Variants in CCSER2 observed in about 807,000 individuals in gnomAD.
The protein encoded by CCSER2 is serine-rich coiled-coil domain-containing protein 2.
Under a neutral mutation model 92.3 loss-of-function variants are expected in CCSER2, and 46 were observed. That is an observed-to-expected ratio of 0.50 (90% CI 0.39 to 0.64). The LOEUF (loss-of-function observed/expected upper bound fraction) is 0.64, where lower values mean the gene tolerates loss of function less well. CCSER2 is among the 30% of genes least tolerant of loss of function. CCSER2 has a pLI of 0.00. For missense variants in CCSER2, 1,244 were observed against 1,238.9 expected, an observed-to-expected ratio of 1.00 and a Z score of -0.06; for synonymous variants, 433 against 431.4, an observed-to-expected ratio of 1.00 and a Z score of -0.04.
intron 6 of CCSER2, among the ~76,000 whole-genome samples, chr10:84,457,228 AT>A (rs569781392): frequency 1.3e-4 from 12 of 91,538 alleles, no homozygotes; most frequent in African/African-American, 4.2e-4. Context: ...CATATTATAT[AT>A]AAATATATTA....
intron 1 of CCSER2, among the ~76,000 whole-genome samples, chr10:84,343,903 T>G (rs745968067): frequency 9.2e-5 from 14 of 152,190 alleles, no homozygotes; most frequent in African/African-American, 3.4e-4. Flanking sequence ...ATTTGAGTAT[T>G]AGTGTGTGGA....
intron 9 of CCSER2, among the ~76,000 whole-genome samples, chr10:84,511,241 A>T (rs1049291216): frequency 3.3e-5 from 5 of 152,172 alleles, no homozygotes. Context: ...CATTTAATAC[A>T]AGTAGCTTGT....
At chr10:84,350,507 A>C (rs1488098328) in intron 1 of CCSER2, among the ~76,000 whole-genome samples, 2 of 152,198 alleles carry the variant, frequency 1.3e-5, no homozygotes, top group African/African-American at 4.8e-5. Context: ...GTGATTAATA[A>C]ATATTTGAAT....
intron 3 of CCSER2, among the ~76,000 whole-genome samples, chr10:84,411,106 C>G (rs753593085): frequency 6.6e-6 from 1 of 152,154 alleles, no homozygotes; most frequent in Non-Finnish European, 1.5e-5. Context: ...GTTCTCTATT[C>G]TGCTCCGTTG....
chr10:84,490,065 GC>G (rs1848061617), intron 9 of CCSER2, among the ~76,000 whole-genome samples: 1 of 152,058 alleles, frequency 6.6e-6, no homozygotes, highest in South Asian at 2.1e-4. Flanking sequence ...TTGAATATTG[GC>G]CCCCACTCTC....
intron 3 of CCSER2, among the ~76,000 whole-genome samples, chr10:84,414,479 A>T (rs1164924991): frequency 1.3e-5 from 2 of 152,242 alleles, no homozygotes; most frequent in African/African-American, 4.8e-5. Flanking sequence ...ATTGGCCCCC[A>T]ACTTCTTCTG....
At chr10:84,468,667 G>T (rs1846598020) in intron 7 of CCSER2, among the ~76,000 whole-genome samples, 1 of 152,160 alleles carries the variant, frequency 6.6e-6, no homozygotes, top group African/African-American at 2.4e-5. Context: ...TGGCTATATA[G>T]TGTTCCATGA....
Position 84,477,643 on chromosome 10 carries a change from A to G in CCSER2, c.2304A>G (p.Gln768=), listed in dbSNP as rs140998705. Residue 768 remains glutamine (Q), a synonymous_variant, in exon 9 of 10, where the codon CAA becomes CAG. Transcript: ENST00000372088. ...GCACTTATGCTGATAAATATACCCAAACACCCTGGAGACGAATTCCTGTAA... is the reference window on the plus strand; with the variant it reads ...GCACTTATGCTGATAAATATACCCAGACACCCTGGAGACGAATTCCTGTAA... ...EKCTYADKYT[Q]TPWRRIPPQV... is the part of the protein sequence containing the mutation. The G allele has an allele frequency of 1.2e-6, 2 of 1,605,700 alleles. No homozygotes were observed. Among genetic ancestry groups the G allele is most frequent in the South Asian group, 1.1e-5 (1 of 90,704 alleles).
chr10:84,457,278 AT>A (rs1233863506), intron 6 of CCSER2, among the ~76,000 whole-genome samples: 145 of 2,228 alleles, frequency 0.065, 1 homozygote, highest in East Asian at 0.33. Flanking sequence ...TATATAATAT[AT>A]TATATATTAT....
chr10:84,417,698 G>A, intron 3 of CCSER2, 73 bp from the exon 4 acceptor site: 4 of 764,032 alleles, frequency 5.2e-6, no homozygotes, highest in East Asian at 5.0e-5. Flanking sequence ...CATATAGTTC[G>A]ATTTTAAAAA....
chr10:84,441,734 A>ATTTTTTTTTTTTTTTTTTTT lies in CCSER2; in HGVS notation c.2064+3028_2064+3029insTTTTTTTTTTTTTTTTTTTT, dbSNP rs1564667385. On this transcript the variant is annotated intron_variant, in intron 6 of 9. Transcript: ENST00000372088. ...GGGAATAAAGTAGAAGACTGGGAAA[A>ATTTTTTTTTTTTTTTTTTTT]TGTTTTTTTTTTTTTTTTTTTTTTT... Among the ~76,000 whole-genome samples the ATTTTTTTTTTTTTTTTTTTT allele has an allele frequency of 7.5e-5, 8 of 106,450 alleles. 1 individual carries two copies. Among genetic ancestry groups the ATTTTTTTTTTTTTTTTTTTT allele is most frequent in the Non-Finnish European group, 1.1e-4 (6 of 54,116 alleles). 69.8% of individuals were successfully genotyped at this position (106,450 alleles called of 152,430 possible).
intron 9 of CCSER2, among the ~76,000 whole-genome samples, chr10:84,508,842 T>C (rs1589842306): frequency 6.6e-6 from 1 of 152,354 alleles, no homozygotes; most frequent in South Asian, 2.1e-4. Context: ...TCATCATTCT[T>C]ATATGCTTTA....
chr10:84,506,532 G>A (rs1052673045), intron 9 of CCSER2, among the ~76,000 whole-genome samples: 11 of 152,154 alleles, frequency 7.2e-5, no homozygotes, highest in African/African-American at 2.4e-4. Context: ...GGTGGCTCAC[G>A]CCTGTGATCC....
rs1311147929 is a variant in CCSER2, at chr10:84,418,244, T to C, written c.1705+383T>C. Among the ~76,000 whole-genome samples the C allele has an allele frequency of 3.3e-5, 5 of 152,222 alleles. No individual in the cohort carries two copies. The East Asian group carries it at 9.6e-4, about 29-fold the overall frequency. On this transcript the variant is annotated intron_variant, in intron 4 of 9. Coordinates refer to ENST00000372088, the MANE Select transcript of CCSER2 (RefSeq NM_001284240.2). The stretch of plus-strand genomic sequence containing the variant: ...TATAATATCTTAATTTGATAAATAT[T>C]TTATAGAGATTAATTCTGGGAATGT...
chr10:84,468,030 A>T (rs893989817), intron 7 of CCSER2, among the ~76,000 whole-genome samples: 2 of 152,178 alleles, frequency 1.3e-5, no homozygotes, highest in Non-Finnish European at 2.9e-5. Flanking sequence ...TCCCTAGCTA[A>T]GGCCATGCGT....
At chr10:84,483,599 ACTC>A (rs1052953266) in intron 9 of CCSER2, among the ~76,000 whole-genome samples, 6 of 151,730 alleles carry the variant, frequency 4.0e-5, no homozygotes, top group Admixed American at 1.3e-4. Context: ...TCAGCAAAGA[ACTC>A]CACTCTATTT....
intron 7 of CCSER2, among the ~76,000 whole-genome samples, chr10:84,465,526 A>G (rs1035262116): frequency 6.6e-6 from 1 of 151,478 alleles, no homozygotes; most frequent in African/African-American, 2.4e-5. Context: ...GGGTTTCACC[A>G]TGTTGTCCAG....
intron 3 of CCSER2, among the ~76,000 whole-genome samples, chr10:84,412,448 C>G (rs1264972116): frequency 3.3e-5 from 5 of 150,936 alleles, no homozygotes; most frequent in Non-Finnish European, 5.9e-5. Context: ...GGTTGGTGGG[C>G]TATTTATTAC....
intron 3 of CCSER2, among the ~76,000 whole-genome samples, chr10:84,403,469 A>G (rs1216436232): frequency 6.6e-6 from 1 of 152,216 alleles, no homozygotes; most frequent in Admixed American, 6.5e-5. Context: ...TTGCATTGCA[A>G]AAAACTCTAT....
Sources: gnomAD v4.1 joint callset for allele counts (sites outside exome capture counted in the v4.1 genomes callset) on GRCh38, gnomAD v4.1.1 for gene constraint, MANE v1.5 for transcripts, NCBI Gene and HGNC (gene_info 2026-07-23, HGNC 2026-07-21) for gene names.